Variants in CRPPA observed in about 807,000 individuals in gnomAD.
The protein encoded by CRPPA is D-ribitol-5-phosphate cytidylyltransferase.
In CRPPA, 43 loss-of-function variants were observed where a neutral mutation model predicts 52.0. That is an observed-to-expected ratio of 0.83 (90% confidence interval 0.65 to 1.07). The LOEUF is 1.07. Ranked by LOEUF, CRPPA falls within the 50% of genes least tolerant of loss-of-function variation. CRPPA has a pLI of 0.00. For missense variants in CRPPA, 629 were observed against 551.7 expected (o/e 1.14, Z -1.40); for synonymous variants, 250 against 203.5 (o/e 1.23, Z -1.94).
intron 9 of CRPPA, among the ~76,000 whole-genome samples, chr7:16,192,341 T>TA (rs1781632650): frequency 6.6e-6 from 1 of 152,088 alleles, no homozygotes; most frequent in Non-Finnish European, 1.5e-5. Flanking sequence ...GCCTAAGTTG[T>TA]AAAACACAAT....
chr7:16,154,993 A>AT (rs1411356591), intron 9 of CRPPA, among the ~76,000 whole-genome samples: 2 of 98,906 alleles, frequency 2.0e-5, no homozygotes, highest in Admixed American at 1.1e-4. Context: ...TTTTTTTTGG[A>AT]TTTTTAGTAG....
intron 1 of CRPPA, among the ~76,000 whole-genome samples, chr7:16,410,513 A>G (rs1788055518): frequency 6.6e-6 from 1 of 152,180 alleles, no homozygotes; most frequent in Non-Finnish European, 1.5e-5. Context: ...CATCTCTACC[A>G]TAATTTACTG....
At chr7:16,199,177 T>G (rs1026899865) in intron 9 of CRPPA, among the ~76,000 whole-genome samples, 3 of 152,128 alleles carry the variant, frequency 2.0e-5, no homozygotes, top group African/African-American at 7.2e-5. Context: ...GGTTCTCAAC[T>G]CTGGTTGTAC....
At chr7:16,358,548 T>C (rs1413839323) in intron 3 of CRPPA, among the ~76,000 whole-genome samples, 1 of 152,160 alleles carries the variant, frequency 6.6e-6, no homozygotes, top group Non-Finnish European at 1.5e-5. Flanking sequence ...ATATCACAGT[T>C]TATAATTTGT....
chr7:16,091,819 C>T lies in CRPPA; in HGVS notation c.1252-20G>A. ...ATCATCCTGAAAAGAAAGGATAAAC[C>T]AGTAATATTTTAGAAAAAACATATG... On this transcript the variant is annotated intron_variant, in intron 9 of 9. Transcript: ENST00000407010. 2 of 1,361,296 alleles carry T rather than the reference C, an allele frequency of 1.5e-6. No individual in the cohort carries two copies. The highest frequency in any genetic ancestry group is 1.5e-5 in the South Asian group (1 of 68,436). The allele number at this position is 1,361,296 out of a possible 1,614,324, so 84.3% of individuals were successfully genotyped here.
At chr7:16,408,443 G>A (rs1047348887) in intron 1 of CRPPA, among the ~76,000 whole-genome samples, 2 of 152,180 alleles carry the variant, frequency 1.3e-5, no homozygotes, top group African/African-American at 4.8e-5. Context: ...AAGCGGAGCT[G>A]GAGTTCCCCG....
rs35595388 is a variant in CRPPA, at chr7:16,124,107, C to CTTTT, written c.1252-32312_1252-32309dup. On this transcript the variant is annotated intron_variant, in intron 9 of 9. Coordinates refer to ENST00000407010, the MANE Select transcript of CRPPA (RefSeq NM_001101426.4). ...TGGATCATATAGGCTCAATTTCTTT[C>CTTTT]TTTTTTTATTTTTTTTTTGAGGAAC... Among the ~76,000 whole-genome samples the CTTTT allele has an allele frequency of 3.5e-4, 47 of 133,570 alleles. 6 individuals are homozygous for CTTTT. The highest frequency in any genetic ancestry group is 6.6e-4 in the East Asian group (3 of 4,554). 87.6% of individuals were successfully genotyped at this position (133,570 alleles called of 152,430 possible). A position where few individuals can be genotyped will look rare whatever the true frequency, so the allele number is the denominator to read the frequency against.
rs574452498 is a variant in CRPPA at position 16,134,833 on chromosome 7, C to G, written c.1252-43034G>C. On this transcript the variant is annotated intron_variant, in intron 9 of 9. Transcript: ENST00000407010. ...AATTGTCAAAATATTAGAAATGCTC[C>G]TAAAAAGTGCACACAACTAAATCTA... is the stretch of plus-strand genomic sequence containing the variant. 8.5e-5 allele frequency among the ~76,000 whole-genome samples: 13 copies of G among 152,178 alleles called. No individual in the cohort carries two copies. In the South Asian group the frequency reaches 2.5e-3, roughly 29 times the overall value.
At chr7:16,243,226 T>C (rs1783174864) in intron 8 of CRPPA, among the ~76,000 whole-genome samples, 1 of 152,216 alleles carries the variant, frequency 6.6e-6, no homozygotes, top group South Asian at 2.1e-4. Context: ...CTGTCGCCTT[T>C]TGAAGAAGGT....
intron 3 of CRPPA, among the ~76,000 whole-genome samples, chr7:16,332,934 G>GA (rs950123290): frequency 1.2e-4 from 18 of 149,544 alleles, no homozygotes; most frequent in South Asian, 8.6e-4. Context: ...TAAATGGACG[G>GA]AAAAAAAAAC....
intron 2 of CRPPA, among the ~76,000 whole-genome samples, chr7:16,383,548 C>G (rs557268150): frequency 2.9e-4 from 44 of 152,340 alleles, no homozygotes; most frequent in African/African-American, 9.6e-4. Flanking sequence ...ACACTTAAGT[C>G]TGCAGAGGTT....
At chr7:16,401,916 C>T (rs930119539) in intron 2 of CRPPA, among the ~76,000 whole-genome samples, 2 of 152,020 alleles carry the variant, frequency 1.3e-5, no homozygotes, top group Admixed American at 6.6e-5. Context: ...AAGAGTATGT[C>T]TGGACTCAAA....
intron 8 of CRPPA, among the ~76,000 whole-genome samples, chr7:16,234,015 T>A (rs191493164): frequency 6.6e-6 from 1 of 152,150 alleles, no homozygotes; most frequent in Non-Finnish European, 1.5e-5. Flanking sequence ...GCCAGTTTAC[T>A]ATATAATCCA....
chr7:16,121,255 T>C (rs1313409372), intron 9 of CRPPA, among the ~76,000 whole-genome samples: 1 of 152,060 alleles, frequency 6.6e-6, no homozygotes, highest in Non-Finnish European at 1.5e-5. Context: ...TTTGTTATTT[T>C]ATGCAATTTT....
rs1163092089 is a variant in CRPPA at position 16,389,913 on chromosome 7, CAAA to C, written c.535-13675_535-13673del. Among the ~76,000 whole-genome samples the C allele has an allele frequency of 1.6e-3, 56 of 34,292 alleles. 1 individual carries two copies. Among genetic ancestry groups the C allele is most frequent in the South Asian group, 8.6e-3 (5 of 582 alleles). 22.5% of individuals were successfully genotyped at this position (34,292 alleles called of 152,430 possible). ...GGATACAGAGAACAAGCCTAGTATA[CAAA>C]AAAAAAAAAAAAATATATATATATA... is the stretch of plus-strand genomic sequence containing the variant. On this transcript the variant is annotated intron_variant, in intron 2 of 9. Transcript: ENST00000407010.
intron 5 of CRPPA, among the ~76,000 whole-genome samples, chr7:16,300,886 G>A (rs1253400738): frequency 1.3e-5 from 2 of 152,154 alleles, no homozygotes; most frequent in Non-Finnish European, 2.9e-5. Context: ...GGATCTTTGA[G>A]TCGGAGATGA....
At chr7:16,258,779 T>G (rs1783714487) in intron 7 of CRPPA, 141 bp downstream of exon 7, 1 of 566,478 alleles carries the variant, frequency 1.8e-6, no homozygotes. Flanking sequence ...GAAAGTATTA[T>G]TTCTCTTTCA....
intron 8 of CRPPA, among the ~76,000 whole-genome samples, chr7:16,226,078 C>T (rs1583446400): frequency 6.6e-6 from 1 of 151,850 alleles, no homozygotes; most frequent in Non-Finnish European, 1.5e-5. Context: ...TAGGTGCAAA[C>T]CAAATCATTA....
chr7:16,401,322 A>C (rs1787812519), intron 2 of CRPPA, among the ~76,000 whole-genome samples: 1 of 152,194 alleles, frequency 6.6e-6, no homozygotes, highest in Admixed American at 6.5e-5. Flanking sequence ...AACAGACTGA[A>C]ATGCACTTTT....
Sources: gnomAD v4.1 joint callset for allele counts (sites outside exome capture counted in the v4.1 genomes callset) on GRCh38, gnomAD v4.1.1 for gene constraint, MANE v1.5 for transcripts, NCBI Gene and HGNC (gene_info 2026-07-23, HGNC 2026-07-21) for gene names.